Variants in SLC22A11 observed in about 807,000 individuals in gnomAD.
SLC22A11 encodes the protein solute carrier family 22 member 11, also known as organic anion transporter 4.
In SLC22A11, 42 loss-of-function variants were observed where a neutral mutation model predicts 49.4. The ratio of observed to expected loss-of-function variants is 0.85; its 90% CI spans 0.66 to 1.10. SLC22A11 has a LOEUF of 1.10. Ranked by LOEUF, SLC22A11 falls within the 50% of genes least tolerant of loss-of-function variation. SLC22A11 has a pLI of 0.00. For missense variants in SLC22A11, 685 were observed against 731.6 expected, an observed-to-expected ratio of 0.94 and a Z score of 0.74; for synonymous variants, 304 against 315.8, an observed-to-expected ratio of 0.96 and a Z score of 0.40.
rs1386051581 is a variant in SLC22A11 at position 64,564,726 on chromosome 11, C to A, written c.942+298C>A. Reference sequence around the variant, plus strand: ...ATACCATCACTAACCCCACAGCCACCATCTCTGCAAAACATCTCCACCACC... The same window carrying A: ...ATACCATCACTAACCCCACAGCCACAATCTCTGCAAAACATCTCCACCACC... On this transcript the variant is annotated intron_variant, in intron 5 of 9. Coordinates refer to ENST00000301891, the MANE Select transcript of SLC22A11 (RefSeq NM_018484.4). This position sits in a 1 kb window ranked among gnomAD's most constrained non-coding sequence, Gnocchi z 4.2. Among the ~76,000 whole-genome samples, 1 of 152,120 alleles carries A rather than the reference C, an allele frequency of 6.6e-6. No individual in the cohort carries two copies. The highest frequency in any genetic ancestry group is 2.4e-5 in the African/African-American group (1 of 41,424).
At chr11:64,557,308 G>A (rs1181418759) in intron 1 of SLC22A11, among the ~76,000 whole-genome samples, 7 of 152,208 alleles carry the variant, frequency 4.6e-5, no homozygotes, top group Non-Finnish European at 1.0e-4. Context: ...ATTCAATCCC[G>A]GCAGTCAGGG....
chr11:64,559,121 C>T lies in SLC22A11; in HGVS notation c.394-14C>T, dbSNP rs748984044. On this transcript the variant is annotated splice_polypyrimidine_tract_variant and intron_variant, in intron 1 of 9. Transcript: ENST00000301891. ...ATACCCCCCGAGCTGAGCCACTGCA[C>T]CCTCCTCTTGCAGTGGGACCTGGTG... 1.2e-6 allele frequency: 2 copies of T among 1,608,380 alleles called. No homozygotes were observed. Among genetic ancestry groups the T allele is most frequent in the Non-Finnish European group, 1.7e-6 (2 of 1,175,068 alleles).
rs2038610628 is a variant in SLC22A11 at position 64,565,389 on chromosome 11, CAGAG to C, written c.1058+53_1058+56del. 1.4e-6 allele frequency: 2 copies of C among 1,466,402 alleles called. No homozygotes were observed. The highest frequency in any genetic ancestry group is 1.9e-6 in the Non-Finnish European group (2 of 1,079,664). The allele number at this position is 1,466,402 out of a possible 1,614,324, so 90.8% of individuals were successfully genotyped here. A position where few individuals can be genotyped will look rare whatever the true frequency, so the allele number is the denominator to read the frequency against. Reference sequence around the variant, plus strand: ...AGGCAGGGCTGGGACAGGCAGGAGGCAGAGCTGGGACAGGCAGGAGGCAGAGCGT... The same window carrying C: ...AGGCAGGGCTGGGACAGGCAGGAGGCCTGGGACAGGCAGGAGGCAGAGCGT... On this transcript the variant is annotated intron_variant, in intron 6 of 9. Coordinates refer to ENST00000301891, the MANE Select transcript of SLC22A11 (RefSeq NM_018484.4). The surrounding 1 kb of genome is among the most constrained non-coding windows in gnomAD (Gnocchi z 4.1).
At position 64,563,610 on chromosome 11, in the gene SLC22A11, TAAAAAAAAAAAAA is replaced by T. The variant is rs869085115; in HGVS notation, c.822-682_822-670del. The stretch of plus-strand genomic sequence containing the variant: ...CTGCCTGGGGATATTTTAAATGTGC[TAAAAAAAAAAAAA>T]AAAAAAAAAAAAAAAGGCCGGGCAC... On this transcript the variant is annotated intron_variant, in intron 4 of 9. Transcript: ENST00000301891. 2.4e-3 allele frequency among the ~76,000 whole-genome samples: 107 copies of T among 43,860 alleles called. 1 individual carries two copies. Among genetic ancestry groups the T allele is most frequent in the Middle Eastern group, 0.025 (1 of 40 alleles). 28.8% of individuals were successfully genotyped at this position (43,860 alleles called of 152,430 possible).
rs2038594769 is a variant in SLC22A11, at chr11:64,564,403, AG to A, written c.919del (p.Glu307ArgfsTer5). 1 of 1,614,044 alleles carries A rather than the reference AG, an allele frequency of 6.2e-7. No individual in the cohort carries two copies. The highest frequency in any genetic ancestry group is 8.5e-7 in the Non-Finnish European group (1 of 1,180,014). On this transcript the variant is annotated frameshift_variant, in exon 5 of 10. Transcript: ENST00000301891. LOFTEE classifies it high-confidence loss of function. The surrounding 1 kb of genome is among the most constrained non-coding windows in gnomAD (Gnocchi z 4.2). ...LRKVARINGH[K>X]EAKNLTIEVL... ...AAGGTGGCCAGGATAAATGGCCACA[AG>A]GAGGCCAAGAACCTGACCATAGAGG...
At position 64,567,684 on chromosome 11, in the gene SLC22A11, G is replaced by C. The variant is rs1565123713; in HGVS notation, c.1144G>C (p.Gly382Arg). The C allele has an allele frequency of 1.9e-6, 3 of 1,613,956 alleles. No individual in the cohort carries two copies. The highest frequency in any genetic ancestry group is 1.7e-6 in the Non-Finnish European group (2 of 1,180,004). Residue 382 changes from glycine to arginine, a missense_variant, in exon 7 of 10, where the codon GGG becomes CGG. Coordinates refer to ENST00000301891, the MANE Select transcript of SLC22A11 (RefSeq NM_018484.4). Reference sequence around the variant, plus strand: ...CATCTTCCTCCTCCAGGCCCTCTTCGGGGCCGTGGACTTCCTGGGCCGGGC... The same window carrying C: ...CATCTTCCTCCTCCAGGCCCTCTTCCGGGCCGTGGACTTCCTGGGCCGGGC... ...RDIFLLQALF[G>R]AVDFLGRATT...
In SLC22A11 at chr11:64,565,160, G is replaced by T; in HGVS notation, c.943-62G>T. ...CTGGCCACTTGGACACTGTTCTCTG[G>T]CACAGGGGGTGGGGCAGGGCCATTG... On this transcript the variant is annotated intron_variant, in intron 5 of 9. Transcript: ENST00000301891. The surrounding 1 kb of genome is among the most constrained non-coding windows in gnomAD (Gnocchi z 4.1). 1 of 1,312,788 alleles carries T rather than the reference G, an allele frequency of 7.6e-7. No individual in the cohort carries two copies. Among genetic ancestry groups the T allele is most frequent in the South Asian group, 1.4e-5 (1 of 70,036 alleles). The allele number at this position is 1,312,788 out of a possible 1,614,324, so 81.3% of individuals were successfully genotyped here.
intron 2 of SLC22A11, among the ~76,000 whole-genome samples, chr11:64,561,222 G>A (rs371557266): frequency 9.2e-5 from 14 of 152,190 alleles, no homozygotes; most frequent in Non-Finnish European, 1.3e-4. Context: ...CCTTCACAGC[G>A]CACAGGTGAG....
chr11:64,566,010 C>T, intron 6 of SLC22A11: 1 of 168,492 alleles, frequency 5.9e-6, no homozygotes, highest in Non-Finnish European at 1.3e-5. Flanking sequence ...AAGCAAGGAC[C>T]AGTCAGGCGC....
chr11:64,566,860 C>A (rs1473752683), intron 6 of SLC22A11, among the ~76,000 whole-genome samples: 1 of 152,182 alleles, frequency 6.6e-6, no homozygotes, highest in Non-Finnish European at 1.5e-5. Flanking sequence ...TTTTACCTTG[C>A]AGCCAGTTGT....
rs767007491 is a variant in SLC22A11, at chr11:64,567,755, G to A, written c.1215G>A (p.Gln405=). Residue 405 remains glutamine, a synonymous_variant, in exon 7 of 10, where the codon CAG becomes CAA. Transcript: ENST00000301891. ...GTTTCCTTGGCCGCCGCACCATCCA[G>A]GCGGGTTCCCAGGCCATGGCCGGCC... ...LLSFLGRRTI[Q]AGSQAMAGLA... The A allele has an allele frequency of 1.9e-6, 3 of 1,612,938 alleles. No individual in the cohort carries two copies. The Admixed American group carries it at 5.0e-5, about 27-fold the overall frequency.
chr11:64,556,496 C>T, intron 1 of SLC22A11, 104 bp downstream of exon 1: 2 of 1,484,204 alleles, frequency 1.3e-6, no homozygotes, highest in Non-Finnish European at 1.8e-6. Flanking sequence ...GGACCCGCCT[C>T]CTCTCGAGCC....
rs766057791 is a variant in SLC22A11, at chr11:64,562,053, G to A, written c.547G>A (p.Ala183Thr). The A allele has an allele frequency of 1.9e-5, 31 of 1,613,650 alleles. No homozygotes were observed. Among genetic ancestry groups the A allele is most frequent in the Admixed American group, 3.3e-5 (2 of 59,998 alleles). ...LSWCCLQLAV[A>T]GTSTIFAPTF... is the part of the protein sequence containing the mutation. The stretch of plus-strand genomic sequence containing the variant: ...CTGGTGCTGCCTGCAGTTGGCCGTG[G>A]CGGGCACCAGCACCATCTTCGCCCC... The change falls in exon 3 of 10, where the codon GCG becomes ACG. Residue 183 changes from alanine to threonine, a missense_variant. Ala to Thr is a moderately conservative substitution (Grantham distance 58). Transcript: ENST00000301891. This position sits in a 1 kb window ranked among gnomAD's most constrained non-coding sequence, Gnocchi z 4.4.
Position 64,564,599 on chromosome 11 carries a change from C to A in SLC22A11, c.942+171C>A, listed in dbSNP as rs1227855497. 1.3e-5 allele frequency among the ~76,000 whole-genome samples: 2 copies of A among 151,822 alleles called. No individual in the cohort carries two copies. Among genetic ancestry groups the A allele is most frequent in the Non-Finnish European group, 2.9e-5 (2 of 67,914 alleles). On this transcript the variant is annotated intron_variant, in intron 5 of 9. Transcript: ENST00000301891. The surrounding 1 kb of genome is among the most constrained non-coding windows in gnomAD (Gnocchi z 4.2). The stretch of plus-strand genomic sequence containing the variant: ...CATCACCACCTCCACACAGACACCA[C>A]CACCACCACCACCAATCCCGATACC...
chr11:64,563,610 TAAAAAAAA>T (rs869085115), intron 4 of SLC22A11, among the ~76,000 whole-genome samples: 20 of 43,856 alleles, frequency 4.6e-4, no homozygotes, highest in South Asian at 1.2e-3. Flanking sequence ...TTAAATGTGC[TAAAAAAAA>T]AAAAAAAAAA....
At chr11:64,567,939 G>A in intron 7 of SLC22A11, 126 bp downstream of exon 7, 2 of 1,034,172 alleles carry the variant, frequency 1.9e-6, no homozygotes, top group East Asian at 2.6e-5. Context: ...TCTGAATGAG[G>A]GAGGCTATGA....
Position 64,564,200 on chromosome 11 carries a change from T to C in SLC22A11, c.822-108T>C. ...CAGCAGCGGCACAGAAGCATGTGCT[T>C]CCTCATCACTCATCTCAGCTGGAGG... On this transcript the variant is annotated intron_variant, in intron 4 of 9. Coordinates refer to ENST00000301891, the MANE Select transcript of SLC22A11 (RefSeq NM_018484.4). This position sits in a 1 kb window ranked among gnomAD's most constrained non-coding sequence, Gnocchi z 4.2. 1 of 1,393,082 alleles carries C rather than the reference T, an allele frequency of 7.2e-7. No individual in the cohort carries two copies. 86.3% of individuals were successfully genotyped at this position (1,393,082 alleles called of 1,614,324 possible). A position where few individuals can be genotyped will look rare whatever the true frequency, so the allele number is the denominator to read the frequency against.
At chr11:64,563,259 G>A (rs905362670) in intron 4 of SLC22A11, among the ~76,000 whole-genome samples, 1 of 152,116 alleles carries the variant, frequency 6.6e-6, no homozygotes, top group Non-Finnish European at 1.5e-5. Flanking sequence ...ATAACACTAG[G>A]TGCGTATTAA....
rs1287405080 is a variant in SLC22A11, at chr11:64,565,317, C to T, written c.1038C>T (p.Ser346=). 4 of 1,549,792 alleles carry T rather than the reference C, an allele frequency of 2.6e-6. No homozygotes were observed. The highest frequency in any genetic ancestry group is 2.7e-5 in the African/African-American group (2 of 73,022). The change falls in exon 6 of 10, where the codon AGC becomes AGT. Residue 346 remains serine (S), a synonymous_variant. Coordinates refer to ENST00000301891, the MANE Select transcript of SLC22A11 (RefSeq NM_018484.4). The surrounding 1 kb of genome is among the most constrained non-coding windows in gnomAD (Gnocchi z 4.1). ...GCGTGCCCGTGCTCCGCTGGAGGAG[C>T]TGCGCCATGCTGGTGGTGAAGTACG... is the stretch of plus-strand genomic sequence containing the variant. The part of the protein sequence containing the change: ...LFCVPVLRWR[S]CAMLVVNFSL...
Sources: allele counts gnomAD v4.1 joint callset (sites outside exome capture counted in the v4.1 genomes callset), GRCh38; gene constraint gnomAD v4.1.1; non-coding constraint Gnocchi (gnomAD v3.1); transcripts MANE v1.5; gene names NCBI Gene and HGNC (gene_info 2026-07-23, HGNC 2026-07-21).